SMG6: variants seen among roughly 807,000 people sequenced by gnomAD.
SMG6 encodes the protein telomerase-binding protein EST1A.
A neutral mutation model predicts 142.2 loss-of-function variants in SMG6; 66 were observed. The ratio of observed to expected loss-of-function variants is 0.46; its 90% CI spans 0.38 to 0.57. The LOEUF (loss-of-function observed/expected upper bound fraction) is 0.57. Among genes scored for constraint, SMG6 ranks in the 20% least tolerant of loss-of-function variants. The pLI, the probability that SMG6 is intolerant of heterozygous loss-of-function variation, is 0.00. For missense variants in SMG6, 1,793 were observed against 1,832.0 expected (o/e 0.98, Z 0.39); for synonymous variants, 779 against 702.4 (o/e 1.11, Z -1.72).
chr17:2,168,603 T>C (rs936656333), intron 13 of SMG6, among the ~76,000 whole-genome samples: 1 of 152,120 alleles, frequency 6.6e-6, no homozygotes, highest in Non-Finnish European at 1.5e-5. Context: ...TATCCTCTTT[T>C]ACAAAATTTG....
At chr17:2,126,616 C>T (rs566929545) in intron 13 of SMG6, among the ~76,000 whole-genome samples, 58 of 149,342 alleles carry the variant, frequency 3.9e-4, no homozygotes, top group Non-Finnish European at 7.4e-4. Context: ...ATTTGAAAGG[C>T]GGGGCACAAG....
At position 2,283,753 on chromosome 17, in the gene SMG6, A is replaced by G; in HGVS notation, c.2338-18T>C. ...TTCCTCCTCTGTGGAAAGAGGCCAG[A>G]GACATTCAGTCAACCAATTCTCGTC... On this transcript the variant is annotated intron_variant, in intron 6 of 18. Transcript: ENST00000263073. 6.3e-7 allele frequency: 1 copy of G among 1,598,590 alleles called. No homozygotes were observed. The highest frequency in any genetic ancestry group is 8.6e-7 in the Non-Finnish European group (1 of 1,166,110).
At chr17:2,262,356 T>C (rs1567728031) in intron 8 of SMG6, among the ~76,000 whole-genome samples, 1 of 152,238 alleles carries the variant, frequency 6.6e-6, no homozygotes, top group South Asian at 2.1e-4. Flanking sequence ...CTTCTAAGCT[T>C]GAGCCAAATC....
chr17:2,251,509 C>T (rs2151314363), intron 8 of SMG6, among the ~76,000 whole-genome samples: 2 of 152,308 alleles, frequency 1.3e-5, no homozygotes, highest in Non-Finnish European at 2.9e-5. Flanking sequence ...AGATGTCCCA[C>T]TTAAGATGGC....
chr17:2,088,943 A>C (rs2068640298), intron 13 of SMG6, among the ~76,000 whole-genome samples: 1 of 152,204 alleles, frequency 6.6e-6, no homozygotes, highest in South Asian at 2.1e-4. Context: ...CCAGCACTTG[A>C]GTCAGGGAAA....
At chr17:2,253,440 G>GA (rs766256032) in intron 8 of SMG6, among the ~76,000 whole-genome samples, 8 of 151,854 alleles carry the variant, frequency 5.3e-5, no homozygotes, top group Non-Finnish European at 8.8e-5. Context: ...GATCGTTACA[G>GA]AAAAAAAATG....
At chr17:2,255,353 G>A (rs1362761109) in intron 8 of SMG6, among the ~76,000 whole-genome samples, 86 of 134,160 alleles carry the variant, frequency 6.4e-4, no homozygotes, top group Middle Eastern at 4.4e-3. Flanking sequence ...GCAGTGAGCC[G>A]AGATCGCGCC....
chr17:2,303,508 G>C (rs1274922945), intron 1 of SMG6, 125 bp downstream of exon 1: 2 of 1,329,778 alleles, frequency 1.5e-6, no homozygotes, highest in Non-Finnish European at 1.9e-6. Context: ...CGCGGCCCCA[G>C]CGCCTACTGC....
rs908644638 is a variant in SMG6, at chr17:2,230,011, C to A, written c.2869+6481G>T. Among the ~76,000 whole-genome samples, 8 of 151,138 alleles carry A rather than the reference C, an allele frequency of 5.3e-5. No homozygotes were observed. The South Asian group carries it at 1.7e-3, about 32-fold the overall frequency. On this transcript the variant is annotated intron_variant, in intron 10 of 18. Coordinates refer to ENST00000263073, the MANE Select transcript of SMG6 (RefSeq NM_017575.5). The stretch of plus-strand genomic sequence containing the variant: ...GACCAGCCTGGCCAATGTGGTGAAA[C>A]CCTGTCTCTACTAAAAATATAAAAA...
At chr17:2,247,957 A>C (rs1473111421) in intron 8 of SMG6, among the ~76,000 whole-genome samples, 2 of 149,758 alleles carry the variant, frequency 1.3e-5, no homozygotes, top group Non-Finnish European at 3.0e-5. Flanking sequence ...AACAAACGAA[A>C]CAGCCAGGCG....
At position 2,117,574 on chromosome 17, in the gene SMG6, T is replaced by C. The variant is rs2151509534; in HGVS notation, c.3358-31673A>G. On this transcript the variant is annotated intron_variant, in intron 13 of 18. Transcript: ENST00000263073. ...ATAATGGCATAAAAAATAAAATGTATTTAGGAATAAACTTAACAGACAATG... is the reference window on the plus strand; with the variant it reads ...ATAATGGCATAAAAAATAAAATGTACTTAGGAATAAACTTAACAGACAATG... 4 of 152,240 alleles carry C rather than the reference T, an allele frequency of 2.6e-5. 1 individual carries two copies. In the Middle Eastern group the frequency reaches 0.014, roughly 518 times the overall value. 9.4% of individuals were successfully genotyped at this position (152,240 alleles called of 1,614,324 possible).
At chr17:2,244,814 G>T (rs751969379) in intron 8 of SMG6, 95 bp from the exon 9 acceptor site, 5 of 1,032,884 alleles carry the variant, frequency 4.8e-6, no homozygotes, top group Non-Finnish European at 7.4e-6. Context: ...CCTGGCCAGG[G>T]TCTAAGGGGT....
At chr17:2,078,098 C>T (rs1033834776) in intron 15 of SMG6, among the ~76,000 whole-genome samples, 4 of 152,004 alleles carry the variant, frequency 2.6e-5, no homozygotes, top group Non-Finnish European at 5.9e-5. Flanking sequence ...TGAATAGGAG[C>T]CTGGTGGGCA....
intron 13 of SMG6, among the ~76,000 whole-genome samples, chr17:2,093,874 C>G (rs2068789440): frequency 6.6e-6 from 1 of 152,096 alleles, no homozygotes; most frequent in South Asian, 2.1e-4. Flanking sequence ...CTTGGCCTCC[C>G]AAAGCACTGG....
At chr17:2,130,286 A>AAAAAAAAAAAAAAC in intron 13 of SMG6, among the ~76,000 whole-genome samples, 1 of 129,292 alleles carries the variant, frequency 7.7e-6, no homozygotes, top group African/African-American at 2.6e-5. Context: ...AAAAAAAAAG[A>AAAAAAAAAAAAAAC]AACAGCATTT....
intron 10 of SMG6, among the ~76,000 whole-genome samples, chr17:2,228,678 CAT>C (rs969976112): frequency 1.2e-4 from 18 of 152,178 alleles, no homozygotes; most frequent in African/African-American, 4.3e-4. Context: ...TTATATTTTA[CAT>C]ATATATACAT....
At chr17:2,128,399 G>T (rs775134371) in intron 13 of SMG6, among the ~76,000 whole-genome samples, 2 of 152,190 alleles carry the variant, frequency 1.3e-5, no homozygotes, top group Non-Finnish European at 2.9e-5. Flanking sequence ...ATACTAGACG[G>T]TGTCAAGTAG....
In SMG6 at chr17:2,157,656, T is replaced by C. The variant is rs556896469; in HGVS notation, c.3357+15002A>G. On this transcript the variant is annotated intron_variant, in intron 13 of 18. Coordinates refer to ENST00000263073, the MANE Select transcript of SMG6 (RefSeq NM_017575.5). ...CTGTCTAGCTTTGGATCTTACTGTT[T>C]GGCTCTCATGCTTTCAGCTTAAAGT... Among the ~76,000 whole-genome samples, 3 of 152,356 alleles carry C rather than the reference T, an allele frequency of 2.0e-5. No individual in the cohort carries two copies. The South Asian group carries it at 6.2e-4, about 32-fold the overall frequency.
intron 9 of SMG6, among the ~76,000 whole-genome samples, chr17:2,238,814 A>T (rs759018225): frequency 3.3e-5 from 5 of 152,220 alleles, no homozygotes; most frequent in Non-Finnish European, 7.3e-5. Flanking sequence ...TCCTTTTTAT[A>T]AAAAGTTTTT....
Sources: gnomAD v4.1 joint callset for allele counts (sites outside exome capture counted in the v4.1 genomes callset) on GRCh38, gnomAD v4.1.1 for gene constraint, MANE v1.5 for transcripts, NCBI Gene and HGNC (gene_info 2026-07-23, HGNC 2026-07-21) for gene names.